USP36: variants seen among roughly 807,000 people sequenced by gnomAD.
USP36 encodes ubiquitin carboxyl-terminal hydrolase 36.
In USP36, 59 loss-of-function variants were observed where a neutral mutation model predicts 111.5. The observed-to-expected ratio is 0.53, with a 90% CI of 0.43 to 0.66. The LOEUF is 0.66. Ranked by LOEUF, USP36 falls within the 30% of genes least tolerant of loss-of-function variation. The pLI is 0.00. For missense variants in USP36, 1,488 were observed against 1,468.0 expected (o/e 1.01, Z -0.22); for synonymous variants, 628 against 581.0 (o/e 1.08, Z -1.16).
intron 17 of USP36, among the ~76,000 whole-genome samples, chr17:78,800,587 A>T (rs1460736818): frequency 2.0e-5 from 3 of 152,164 alleles, no homozygotes; most frequent in Non-Finnish European, 4.4e-5. Context: ...GCCCCCACAC[A>T]GTGGCTTCCA....
intron 5 of USP36, 33 bp downstream of exon 5, chr17:78,828,864 A>G (rs2067821049): frequency 6.2e-7 from 1 of 1,603,536 alleles, no homozygotes; most frequent in Non-Finnish European, 8.5e-7. Context: ...AAATAAATAA[A>G]TCACAAAAAT....
chr17:78,807,674 G>T, intron 13 of USP36, 38 bp from the exon 14 acceptor site: 1 of 1,506,226 alleles, frequency 6.6e-7, no homozygotes, highest in South Asian at 1.4e-5. Context: ...CTGAGGAAGC[G>T]AGAAGTCTCA....
In USP36 at chr17:78,803,293, T is replaced by C; in HGVS notation, c.2810+92A>G. ...TAGAAAACCACGCAAGCAGACTACGTTTCCAGACCATACCTACTTGGGGGT... is the reference window on the plus strand; with the variant it reads ...TAGAAAACCACGCAAGCAGACTACGCTTCCAGACCATACCTACTTGGGGGT... On this transcript the variant is annotated intron_variant, in intron 16 of 20. Coordinates refer to ENST00000449938, the MANE Select transcript of USP36 (RefSeq NM_001385174.1). The surrounding 1 kb of genome is among the most constrained non-coding windows in gnomAD (Gnocchi z 4.6). 1 of 1,402,052 alleles carries C rather than the reference T, an allele frequency of 7.1e-7. No individual in the cohort carries two copies. The highest frequency in any genetic ancestry group is 2.3e-5 in the East Asian group (1 of 43,356). 86.9% of individuals were successfully genotyped at this position (1,402,052 alleles called of 1,614,324 possible).
chr17:78,803,658 C>G lies in USP36; in HGVS notation c.2537G>C (p.Arg846Thr). ...GTCCTCCGGGCGCTTCTTCTTCTTC[C>G]TCTTCCTCTTCCCGTGGGGAGCCGC... ...ATAAPHGKRKRKKKKRPEDTA... is the reference protein window; with the variant it reads ...ATAAPHGKRKTKKKKRPEDTA... The change falls in exon 16 of 21, where the codon AGG becomes ACG. Residue 846 changes from arginine to threonine, a missense_variant. By Grantham distance (71) the Arg-to-Thr change is moderately conservative (BLOSUM62 -1). This residue lies in a region of USP36 where 1,073 missense variants were observed against 994.1 expected (regional missense o/e 1.08). Transcript: ENST00000449938. This position sits in a 1 kb window ranked among gnomAD's most constrained non-coding sequence, Gnocchi z 4.6. 6.2e-7 allele frequency: 1 copy of G among 1,609,066 alleles called. No individual in the cohort carries two copies. The highest frequency in any genetic ancestry group is 8.5e-7 in the Non-Finnish European group (1 of 1,178,530).
At chr17:78,801,474 G>A (rs2093741176) in intron 17 of USP36, among the ~76,000 whole-genome samples, 1 of 152,196 alleles carries the variant, frequency 6.6e-6, no homozygotes, top group Admixed American at 6.5e-5. Context: ...GACTGCAGAG[G>A]AGGCCTCACT....
chr17:78,821,406 ATATATATATATATATTTTTT>A (rs1457361850), intron 7 of USP36: 15 of 57,550 alleles, frequency 2.6e-4, no homozygotes, highest in African/African-American at 1.5e-3. Context: ...ATATATATAT[ATATATATATATATATTTTTT>A]TTTTTTTTTT....
chr17:78,794,685 A>G (rs1210069641), downstream of USP36, among the ~76,000 whole-genome samples: 1 of 152,122 alleles, frequency 6.6e-6, no homozygotes, highest in East Asian at 1.9e-4. Context: ...GCACTTTGGG[A>G]GGCCAAGACG....
In USP36 at chr17:78,807,299, G is replaced by A. The variant is rs1406179164; in HGVS notation, c.1745C>T (p.Ser582Leu). ...WDSRDVVLST[S>L]PKLLATATAN... ...AGTGGCTGTAGCCAGGAGCTTAGGT[G>A]AGGTAGAGAGGACAACATCCCTGCT... Residue 582 changes from serine (S) to leucine (L), a missense_variant, in exon 14 of 21, where the codon TCA becomes TTA. This residue lies in a region of USP36 where 1,073 missense variants were observed against 994.1 expected (regional missense o/e 1.08). Transcript: ENST00000449938. The A allele has an allele frequency of 6.2e-6, 10 of 1,614,200 alleles. No individual in the cohort carries two copies. The highest frequency in any genetic ancestry group is 1.6e-4 in the Middle Eastern group (1 of 6,062).
At chr17:78,807,783 A>C in intron 13 of USP36, 147 bp from the exon 14 acceptor site, 1 of 864,896 alleles carries the variant, frequency 1.2e-6, no homozygotes, top group African/African-American at 1.7e-5. Flanking sequence ...ACTCTTGGTA[A>C]AGACACTGTG....
At chr17:78,791,463 G>A (rs181672539), downstream of USP36, among the ~76,000 whole-genome samples, 3 of 152,330 alleles carry the variant, frequency 2.0e-5, no homozygotes, top group East Asian at 3.9e-4. Flanking sequence ...CCTGACTCCA[G>A]CCTGACCCTA....
chr17:78,818,810 ATGAT>A (rs771774516), intron 9 of USP36, 32 bp from the exon 10 acceptor site: 22 of 1,608,418 alleles, frequency 1.4e-5, no homozygotes, highest in African/African-American at 1.2e-4. Context: ...AGATTAATGA[ATGAT>A]TGATTCGTGC....
chr17:78,806,053 C>G, intron 15 of USP36, 103 bp downstream of exon 15: 1 of 1,580,318 alleles, frequency 6.3e-7, no homozygotes, highest in South Asian at 1.1e-5. Context: ...AATGCTTTGT[C>G]TGTCCTGTGA....
rs2093939760 is a variant in USP36 at position 78,807,508 on chromosome 17, C to T, written c.1536G>A (p.Gly512=). The part of the protein sequence containing the change: ...NGCIPPKLPS[G]SPSPKLSQTP... ...TCTGGGAGAGTTTGGGGGAAGGGGACCCCGAGGGCAGCTTTGGAGGAATGC... is the reference window on the plus strand; with the variant it reads ...TCTGGGAGAGTTTGGGGGAAGGGGATCCCGAGGGCAGCTTTGGAGGAATGC... The change falls in exon 14 of 21, where the codon GGG becomes GGA. Residue 512 remains glycine, a synonymous_variant. Coordinates refer to ENST00000449938, the MANE Select transcript of USP36 (RefSeq NM_001385174.1). 1 of 1,613,894 alleles carries T rather than the reference C, an allele frequency of 6.2e-7. No individual in the cohort carries two copies. The highest frequency in any genetic ancestry group is 1.1e-5 in the South Asian group (1 of 91,044).
intron 12 of USP36, 54 bp from the exon 13 acceptor site, chr17:78,813,055 G>T (rs1473817647): frequency 9.5e-5 from 152 of 1,607,392 alleles, no homozygotes; most frequent in Non-Finnish European, 1.3e-4. Flanking sequence ...TTACAGAAAC[G>T]GAGAGAATTA....
At chr17:78,828,015 G>C (rs1219913380) in intron 5 of USP36, among the ~76,000 whole-genome samples, 3 of 152,136 alleles carry the variant, frequency 2.0e-5, no homozygotes, top group Non-Finnish European at 4.4e-5. Flanking sequence ...CTTGGAGCTG[G>C]GAGTTGGAGA....
chr17:78,826,430 G>C (rs1329650513), intron 6 of USP36: 4 of 152,180 alleles, frequency 2.6e-5, no homozygotes. Context: ...CTGGGCGACA[G>C]AGCAAGACTC....
At chr17:78,840,967 TG>T (rs1409749183), upstream of USP36, 3 of 152,276 alleles carry the variant, frequency 2.0e-5, no homozygotes, top group Non-Finnish European at 4.4e-5. Flanking sequence ...GCCGCTTCCG[TG>T]TCGCCTACGT....
rs76853079 is a variant in USP36, at chr17:78,815,850, T to C, written c.1024-1298A>G. Among the ~76,000 whole-genome samples the C allele has an allele frequency of 1.3e-3, 175 of 133,876 alleles. 1 individual carries two copies. In the East Asian group the frequency reaches 0.022, roughly 17 times the overall value. 87.8% of individuals were successfully genotyped at this position (133,876 alleles called of 152,430 possible). On this transcript the variant is annotated intron_variant, in intron 10 of 20. Transcript: ENST00000449938. ...ACACATATATACATACACACACACATATGCATGCATACACATGTACGCATA... is the reference window on the plus strand; with the variant it reads ...ACACATATATACATACACACACACACATGCATGCATACACATGTACGCATA...
chr17:78,809,767 C>CT (rs1567930277), intron 13 of USP36, among the ~76,000 whole-genome samples: 1 of 152,054 alleles, frequency 6.6e-6, no homozygotes, highest in African/African-American at 2.4e-5. Context: ...GGACAACAGA[C>CT]GTGCACCACC....
Sources: gnomAD v4.1 joint callset for allele counts (sites outside exome capture counted in the v4.1 genomes callset) on GRCh38, gnomAD v4.1.1 for gene constraint, gnomAD v4.1.1 regional missense constraint, Gnocchi (gnomAD v3.1) non-coding constraint, MANE v1.5 for transcripts, NCBI Gene and HGNC (gene_info 2026-07-23, HGNC 2026-07-21) for gene names.